Variants in NBPF9 observed in about 807,000 individuals in gnomAD.
NBPF9 encodes the protein NBPF family member NBPF9.
A neutral mutation model predicts 97.8 loss-of-function variants in NBPF9; 91 were observed. That is an observed-to-expected ratio of 0.93 (90% CI 0.79 to 1.11). The LOEUF is 1.11. Ranked by LOEUF, NBPF9 falls within the 50% of genes least tolerant of loss-of-function variation. The probability of loss-of-function intolerance (pLI) is 0.00; values close to 1 mark genes in which losing one functional copy is unlikely to be tolerated. For synonymous variants in NBPF9, 334 were observed against 359.5 expected (o/e 0.93, Z 0.80); for missense variants, 992 against 939.5 (o/e 1.06, Z -0.73).
chr1:149,064,116 A>T (rs1330441630), intron 19 of NBPF9, among the ~76,000 whole-genome samples: 1 of 139,086 alleles, frequency 7.2e-6, no homozygotes, highest in African/African-American at 2.8e-5. Flanking sequence ...CTCTCAGGAC[A>T]CACAGTGAAC....
intron 17 of NBPF9, among the ~76,000 whole-genome samples, chr1:149,068,142 G>A (rs1221570980): frequency 6.7e-6 from 1 of 148,622 alleles, no homozygotes; most frequent in African/African-American, 2.5e-5. Flanking sequence ...AACATGGAAA[G>A]GAACAACCGG....
chr1:149,084,102 T>C (rs1410257690), intron 5 of NBPF9, among the ~76,000 whole-genome samples: 3 of 151,068 alleles, frequency 2.0e-5, no homozygotes, highest in African/African-American at 2.4e-5. Context: ...AAATGAACAA[T>C]GAGAACACTT....
At chr1:149,095,146 T>C (rs1301055530) in intron 4 of NBPF9, among the ~76,000 whole-genome samples, 10 of 145,942 alleles carry the variant, frequency 6.9e-5, no homozygotes, top group Admixed American at 4.1e-4. Flanking sequence ...TGGAAAAGAA[T>C]ACGGAGCCCA....
intron 19 of NBPF9, among the ~76,000 whole-genome samples, 200 bp from the exon 20 acceptor site, chr1:149,064,005 C>CACAG (rs1553650957): frequency 3.9e-5 from 3 of 76,952 alleles, no homozygotes; most frequent in African/African-American, 1.2e-4. Context: ...CACACACACA[C>CACAG]ACACAGACAC....
At chr1:149,058,354 G>A (rs1477193692) in intron 26 of NBPF9, 139 bp from the exon 27 acceptor site, 3 of 446,674 alleles carry the variant, frequency 6.7e-6, no homozygotes, top group Non-Finnish European at 1.1e-5. Context: ...ACTTCAGGAG[G>A]CCTGAAAGCT....
exon 8 of NBPF9, chr1:149,080,082 T>C: frequency 2.0e-6 from 3 of 1,536,786 alleles, no homozygotes; most frequent in South Asian, 1.1e-5. Context: ...TCAGCTGCTC[T>C]GCAAGCTTCT....
chr1:149,062,388 G>A lies in NBPF9; in HGVS notation c.2079-123C>T, dbSNP rs1318610909. 6.0e-6 allele frequency: 4 copies of A among 666,982 alleles called. 1 individual carries two copies. Among genetic ancestry groups the A allele is most frequent in the South Asian group, 1.6e-5 (1 of 63,584 alleles). 41.3% of individuals were successfully genotyped at this position (666,982 alleles called of 1,614,324 possible). On this transcript the variant is annotated intron_variant, in intron 21 of 29. Transcript: ENST00000584027. ...AGAAAAAGGACAGATCCATTAATGA[G>A]GTAATGAATTATTGCCTTTAGGTTG...
At chr1:149,064,021 C>G (rs1418988932) in intron 19 of NBPF9, among the ~76,000 whole-genome samples, 1 of 118,818 alleles carries the variant, frequency 8.4e-6, no homozygotes, top group African/African-American at 3.3e-5. Flanking sequence ...GACACAGACA[C>G]ACACACACAC....
chr1:149,079,619 C>T (rs587595805), intron 8 of NBPF9, among the ~76,000 whole-genome samples: 8 of 148,344 alleles, frequency 5.4e-5, no homozygotes, highest in South Asian at 2.2e-4. Flanking sequence ...GCAGATGGGG[C>T]GAATTGAAAA....
intron 1 of NBPF9, 142 bp downstream of exon 1, chr1:149,103,159 C>G (rs1478890505): frequency 6.6e-6 from 1 of 150,654 alleles, no homozygotes; most frequent in Non-Finnish European, 1.5e-5. Flanking sequence ...CCGGCGGGGC[C>G]GGAACACACG....
chr1:149,074,823 T>C (rs1215340861), intron 12 of NBPF9, among the ~76,000 whole-genome samples: 1 of 151,230 alleles, frequency 6.6e-6, no homozygotes, highest in African/African-American at 2.4e-5. Flanking sequence ...ATTATTATTA[T>C]TATTATTTTT....
chr1:149,090,168 T>A (rs2081324858), intron 5 of NBPF9: 1 of 149,896 alleles, frequency 6.7e-6, no homozygotes, highest in Admixed American at 6.7e-5. Flanking sequence ...TTCCACTATC[T>A]CCCCTGTAGG....
chr1:149,102,710 A>AC lies in NBPF9; in HGVS notation c.-724+18dup, dbSNP rs2082226527. 6.6e-6 allele frequency: 1 copy of AC among 150,542 alleles called. No homozygotes were observed. 9.3% of individuals were successfully genotyped at this position (150,542 alleles called of 1,614,324 possible). A position where few individuals can be genotyped will look rare whatever the true frequency, so the allele number is the denominator to read the frequency against. ...GCAACTCTTTGGAGTGCAAACACCA[A>AC]CCCCACAATCCAACCTACCGGAAAT... On this transcript the variant is annotated intron_variant, in intron 2 of 29. Transcript: ENST00000584027.
rs2078533239 is a variant in NBPF9 at position 149,060,683 on chromosome 1, C to A, written c.2316G>T (p.Glu772Asp). Residue 772 changes from glutamate to aspartate, a missense_variant, in exon 24 of 30, where the codon GAG becomes GAT. Glu to Asp is a conservative substitution (Grantham distance 45). Transcript: ENST00000584027. ...CTTCAGGCTCTACTACCTCCAGCAG[C>A]TCCCTGCTGAGCCTGGAAAAGGAGG... 3 of 367,364 alleles carry A rather than the reference C, an allele frequency of 8.2e-6. No individual in the cohort carries two copies. The Admixed American group carries it at 1.5e-4, about 18-fold the overall frequency. 22.8% of individuals were successfully genotyped at this position (367,364 alleles called of 1,614,324 possible).
rs1458177907 is a variant in NBPF9, at chr1:149,101,076, G to A, written c.-606+186C>T. ...AACCATAAAGGAAAAGATTGATAAA[G>A]TATAATTTCATTAAAATTAAGAATC... On this transcript the variant is annotated intron_variant, in intron 3 of 29. Transcript: ENST00000584027. Among the ~76,000 whole-genome samples the A allele has an allele frequency of 2.6e-4, 39 of 151,424 alleles. No individual in the cohort carries two copies. In the East Asian group the frequency reaches 7.4e-3, roughly 29 times the overall value.
chr1:149,062,624 T>A (rs2078699908), intron 21 of NBPF9, among the ~76,000 whole-genome samples: 1 of 144,574 alleles, frequency 6.9e-6, no homozygotes, highest in Admixed American at 7.0e-5. Context: ...TGCTCAAGAT[T>A]CCATGCAGTT....
At chr1:149,087,726 G>T (rs1448083104) in intron 5 of NBPF9, among the ~76,000 whole-genome samples, 1 of 150,596 alleles carries the variant, frequency 6.6e-6, no homozygotes, top group Non-Finnish European at 1.5e-5. Flanking sequence ...TCTGATCCAT[G>T]ACAAGGTTTA....
intron 15 of NBPF9, 94 bp from the exon 16 acceptor site, chr1:149,071,233 G>A (rs2079384477): frequency 8.1e-7 from 1 of 1,234,722 alleles, no homozygotes; most frequent in Non-Finnish European, 1.2e-6. Flanking sequence ...GCGGCATTAA[G>A]AGAGTGGTCC....
chr1:149,070,350 C>T (rs1414640338), intron 16 of NBPF9, among the ~76,000 whole-genome samples: 6 of 139,456 alleles, frequency 4.3e-5, no homozygotes, highest in African/African-American at 1.6e-4. Flanking sequence ...AAAAAATCCA[C>T]GATGCTACAA....
Sources: gnomAD v4.1 joint callset for allele counts (sites outside exome capture counted in the v4.1 genomes callset) on GRCh38, gnomAD v4.1.1 for gene constraint, MANE v1.5 for transcripts, NCBI Gene and HGNC (gene_info 2026-07-23, HGNC 2026-07-21) for gene names.